MORC3: variants seen among roughly 807,000 people sequenced by gnomAD.
MORC3 encodes the protein MORC family CW-type zinc finger 3, also known as MORC family CW-type zinc finger protein 3.
In MORC3, 31 loss-of-function variants were observed where a neutral mutation model predicts 109.1. The ratio of observed to expected loss-of-function variants is 0.28; its 90% confidence interval spans 0.21 to 0.38. The LOEUF is 0.38. Among genes scored for constraint, MORC3 ranks in the 10% least tolerant of loss-of-function variants. MORC3 has a pLI of 1.00. For missense variants in MORC3, 867 were observed against 1,135.8 expected (o/e 0.76, Z 3.40); for synonymous variants, 395 against 380.7 (o/e 1.04, Z -0.44).
intron 9 of MORC3, among the ~76,000 whole-genome samples, chr21:36,355,760 CA>C (rs201179435): frequency 0.016 from 2,218 of 142,754 alleles, 52 homozygotes; most frequent in African/African-American, 0.054. Flanking sequence ...GCAGCCTGGG[CA>C]AAAAAGCAAT....
At chr21:36,347,025 A>C (rs1317415627) in intron 8 of MORC3, among the ~76,000 whole-genome samples, 1 of 151,082 alleles carries the variant, frequency 6.6e-6, no homozygotes, top group Non-Finnish European at 1.5e-5. Flanking sequence ...AAAAAAAAAA[A>C]ACAAAGAAAT....
chr21:36,349,432 G>T, intron 9 of MORC3, 24 bp downstream of exon 9: 1 of 1,439,572 alleles, frequency 6.9e-7, no homozygotes, highest in South Asian at 1.3e-5. Flanking sequence ...TTAAATTATT[G>T]ACTGAGGTTC....
intron 14 of MORC3, among the ~76,000 whole-genome samples, chr21:36,365,161 GTGGA>G (rs2085766083): frequency 6.6e-6 from 1 of 152,110 alleles, no homozygotes; most frequent in African/African-American, 2.4e-5. Context: ...TATTGGAGGA[GTGGA>G]TGGAGAAGGA....
intron 1 of MORC3, among the ~76,000 whole-genome samples, chr21:36,331,750 A>G (rs750016014): frequency 2.0e-5 from 3 of 152,212 alleles, no homozygotes; most frequent in Non-Finnish European, 4.4e-5. Flanking sequence ...TCAGGCATAA[A>G]AGCCTTGGGA....
Position 36,362,223 on chromosome 21 carries a change from C to T in MORC3, c.1447C>T (p.Pro483Ser). Residue 483 changes from proline (P) to serine (S), a missense_variant, in exon 13 of 17, where the codon CCT (proline) becomes TCT (serine). Physicochemically the swap from Pro to Ser is moderately conservative, Grantham distance 74. Around this residue, in one of 7 missense-constraint regions of MORC3, gnomAD observed 486 missense variants for 502.1 expected, o/e 0.97. Transcript: ENST00000400485. ...KFRIRQPEMI[P>S]RINAELLFRP... is the part of the protein sequence containing the mutation. Reference sequence around the variant, plus strand: ...CAGGATCAGACAACCGGAAATGATCCCTCGGGTAATTAAGCCTTCTTTTTT... The same window carrying T: ...CAGGATCAGACAACCGGAAATGATCTCTCGGGTAATTAAGCCTTCTTTTTT... 1 of 1,606,208 alleles carries T rather than the reference C, an allele frequency of 6.2e-7. No individual in the cohort carries two copies. Among genetic ancestry groups the T allele is most frequent in the Non-Finnish European group, 8.5e-7 (1 of 1,177,956 alleles).
In MORC3 at chr21:36,369,895, C is replaced by T; in HGVS notation, c.2508+19C>T. On this transcript the variant is annotated intron_variant, in intron 15 of 16. Transcript: ENST00000400485. ...AAGTGAGGTGAGTTATATCATCCAA[C>T]ATGTAGTCATGGAGTCCAGGGCCAT... The T allele has an allele frequency of 6.2e-7, 1 of 1,601,866 alleles. No individual in the cohort carries two copies. Among genetic ancestry groups the T allele is most frequent in the South Asian group, 1.1e-5 (1 of 90,174 alleles).
At chr21:36,355,587 CTT>C (rs1232243082) in intron 9 of MORC3, among the ~76,000 whole-genome samples, 2 of 152,076 alleles carry the variant, frequency 1.3e-5, no homozygotes, top group Non-Finnish European at 2.9e-5. Context: ...TTATGCTCCT[CTT>C]TTTTGCTAAT....
intron 1 of MORC3, among the ~76,000 whole-genome samples, chr21:36,329,967 A>G (rs549418373): frequency 3.3e-5 from 5 of 151,436 alleles, no homozygotes; most frequent in South Asian, 2.1e-4. Context: ...AGTTCAAGCA[A>G]CTCTCCTGCC....
At chr21:36,346,204 A>G (rs1458882997) in intron 8 of MORC3, among the ~76,000 whole-genome samples, 2 of 152,092 alleles carry the variant, frequency 1.3e-5, no homozygotes, top group Non-Finnish European at 2.9e-5. Flanking sequence ...TATTTTTAGT[A>G]GAGACGGCTT....
chr21:36,327,079 T>C (rs1376245207), intron 1 of MORC3, among the ~76,000 whole-genome samples: 1 of 150,330 alleles, frequency 6.7e-6, no homozygotes, highest in Non-Finnish European at 1.5e-5. Context: ...CCTCCCAAAG[T>C]GCGGGGGTTA....
In MORC3 at chr21:36,356,189, C is replaced by CT. The variant is rs535818648; in HGVS notation, c.1104-429dup. On this transcript the variant is annotated intron_variant, in intron 9 of 16. Transcript: ENST00000400485. ...AGACTGCATCTTTGTTTACATTTCT[C>CT]TTGACTGCAAATGAAACCACCTACA... is the stretch of plus-strand genomic sequence containing the variant. Among the ~76,000 whole-genome samples, 48 of 152,226 alleles carry CT rather than the reference C, an allele frequency of 3.2e-4. No individual in the cohort carries two copies. In the South Asian group the frequency reaches 8.5e-3, roughly 27 times the overall value.
chr21:36,327,413 A>T (rs2085261680), intron 1 of MORC3, among the ~76,000 whole-genome samples: 1 of 150,716 alleles, frequency 6.6e-6, no homozygotes, highest in Non-Finnish European at 1.5e-5. Context: ...CAGCCTCCCA[A>T]AGTGCTGGGA....
At chr21:36,359,094 C>G (rs1403939638) in intron 10 of MORC3, among the ~76,000 whole-genome samples, 5 of 152,086 alleles carry the variant, frequency 3.3e-5, no homozygotes, top group Admixed American at 6.6e-5. Flanking sequence ...TAAATTATAA[C>G]AACAGAATTC....
intron 14 of MORC3, among the ~76,000 whole-genome samples, chr21:36,368,450 T>C (rs73383714): frequency 0.057 from 8,753 of 152,246 alleles, 807 homozygotes; most frequent in African/African-American, 0.2. Context: ...ATAGATCTGG[T>C]ACTTCAAAGA....
intron 14 of MORC3, among the ~76,000 whole-genome samples, chr21:36,368,603 C>T (rs1019943813): frequency 6.6e-6 from 1 of 152,192 alleles, no homozygotes; most frequent in Admixed American, 6.5e-5. Flanking sequence ...TAGCTGGGCA[C>T]AGTGGCTCAT....
chr21:36,344,549 A>G (rs1345568232), intron 6 of MORC3, 30 bp from the exon 7 acceptor site: 1 of 1,606,934 alleles, frequency 6.2e-7, no homozygotes, highest in East Asian at 2.2e-5. Context: ...AAACCTGTAG[A>G]TACTAACTTC....
At chr21:36,375,040 A>G (rs1331520504) in intron 16 of MORC3, 103 bp from the exon 17 acceptor site, 14 of 1,206,916 alleles carry the variant, frequency 1.2e-5, no homozygotes, top group East Asian at 2.5e-5. Context: ...GTTTAATTGT[A>G]TATTATTCTA....
chr21:36,347,901 G>A (rs778733484), intron 8 of MORC3: 10 of 152,182 alleles, frequency 6.6e-5, no homozygotes, highest in Admixed American at 2.6e-4. Flanking sequence ...AAGGCTGGAA[G>A]GAAGATGGAT....
At position 36,375,316 on chromosome 21, in the gene MORC3, A is replaced by G; in HGVS notation, c.*20A>G. ...ACTTAAAGTATATGTTATGTAAGAT[A>G]AAATATTTGCTCAATTCTTTTGGTT... On this transcript the variant is annotated 3_prime_UTR_variant, in exon 17 of 17. Transcript: ENST00000400485. 1 of 1,585,936 alleles carries G rather than the reference A, an allele frequency of 6.3e-7. No individual in the cohort carries two copies. The highest frequency in any genetic ancestry group is 8.6e-7 in the Non-Finnish European group (1 of 1,162,364).
Sources: allele counts gnomAD v4.1 joint callset (sites outside exome capture counted in the v4.1 genomes callset), GRCh38; gene constraint gnomAD v4.1.1; regional missense constraint gnomAD v4.1.1; transcripts MANE v1.5; gene names NCBI Gene and HGNC (gene_info 2026-07-23, HGNC 2026-07-21).